The following SYNJ1 variants were observed in gnomAD, a reference collection of about 807,000 sequenced individuals.
SYNJ1 encodes the protein polyphosphatidylinositol phosphatase SYNJ1.
In SYNJ1, 78 loss-of-function variants were observed where a neutral mutation model predicts 168.2. The observed-to-expected ratio is 0.46, with a 90% CI of 0.39 to 0.56. SYNJ1 has a LOEUF of 0.56. SYNJ1 is among the 20% of genes least tolerant of loss of function. SYNJ1 has a pLI of 0.00. For synonymous variants in SYNJ1, 539 were observed against 548.6 expected (o/e 0.98, Z 0.24); for missense variants, 1,303 against 1,597.6 (o/e 0.82, Z 3.14).
chr21:32,662,772 GA>G (rs960263718), intron 18 of SYNJ1, among the ~76,000 whole-genome samples: 56 of 152,228 alleles, frequency 3.7e-4, no homozygotes, highest in African/African-American at 8.4e-4. Flanking sequence ...GGGCCACTTG[GA>G]TAAAAAATGA....
intron 14 of SYNJ1, among the ~76,000 whole-genome samples, chr21:32,672,217 A>C (rs2041231719): frequency 6.6e-6 from 1 of 151,942 alleles, no homozygotes; most frequent in Non-Finnish European, 1.5e-5. Flanking sequence ...TTTCCTATAC[A>C]CATCACCCTC....
intron 22 of SYNJ1, among the ~76,000 whole-genome samples, chr21:32,652,459 C>T (rs1229993568): frequency 6.6e-6 from 1 of 152,188 alleles, no homozygotes; most frequent in African/African-American, 2.4e-5. Flanking sequence ...TCTCGGCCTC[C>T]CAAAGTGCTG....
chr21:32,697,569 T>A (rs191755486), intron 4 of SYNJ1, among the ~76,000 whole-genome samples: 1 of 150,190 alleles, frequency 6.7e-6, no homozygotes, highest in Admixed American at 6.6e-5. Context: ...GAGGCTAAGG[T>A]GGGGGGGATC....
intron 19 of SYNJ1, 139 bp from the exon 20 acceptor site, chr21:32,657,259 G>A: frequency 4.8e-6 from 3 of 626,824 alleles, no homozygotes; most frequent in East Asian, 2.7e-5. Flanking sequence ...TAATAGGCAG[G>A]CAGTCTAAAT....
At chr21:32,713,832 C>T (rs538338507) in intron 2 of SYNJ1, among the ~76,000 whole-genome samples, 2 of 152,226 alleles carry the variant, frequency 1.3e-5, no homozygotes, top group South Asian at 4.1e-4. Flanking sequence ...AAAGAATACA[C>T]AGAGAATGAC....
chr21:32,726,545 C>T (rs1205314390), intron 2 of SYNJ1, among the ~76,000 whole-genome samples: 1 of 152,138 alleles, frequency 6.6e-6, no homozygotes, highest in African/African-American at 2.4e-5. Context: ...CCCAAGAAAG[C>T]AAAATCCTGC....
At chr21:32,668,365 G>A (rs938878686) in intron 15 of SYNJ1, among the ~76,000 whole-genome samples, 1 of 152,118 alleles carries the variant, frequency 6.6e-6, no homozygotes, top group Non-Finnish European at 1.5e-5. Context: ...ACCACACCCA[G>A]CCTAAAGAAT....
At position 32,656,715 on chromosome 21, in the gene SYNJ1, C is replaced by G; in HGVS notation, c.2767G>C (p.Ala923Pro). The change falls in exon 21 of 33, where the codon GCA becomes CCA. Residue 923 changes from alanine (A) to proline (P), a missense_variant. Ala to Pro is a conservative substitution (Grantham distance 27). Transcript: ENST00000674351. ...ALIDELLQQF[A>P]SFGEVILIRF... ...ATAAGTATAACTTCACCAAAACTTG[C>G]AAACTGCTGCAGAAGCTCATCAATC... is the stretch of plus-strand genomic sequence containing the variant. The G allele has an allele frequency of 6.2e-7, 1 of 1,613,652 alleles. No homozygotes were observed. The highest frequency in any genetic ancestry group is 1.3e-5 in the African/African-American group (1 of 74,996).
At chr21:32,673,945 T>C (rs1266363467) in intron 13 of SYNJ1, among the ~76,000 whole-genome samples, 2 of 152,246 alleles carry the variant, frequency 1.3e-5, no homozygotes, top group Non-Finnish European at 2.9e-5. Flanking sequence ...ATATAAATTT[T>C]ATTTTTCTCC....
At position 32,630,346 on chromosome 21, in the gene SYNJ1, T is replaced by C. The variant is rs2039274174; in HGVS notation, c.*1459A>G. 6.6e-6 allele frequency: 1 copy of C among 152,174 alleles called. No individual in the cohort carries two copies. Among genetic ancestry groups the C allele is most frequent in the African/African-American group, 2.4e-5 (1 of 41,446 alleles). The allele number at this position is 152,174 out of a possible 1,614,324, so 9.4% of individuals were successfully genotyped here. On this transcript the variant is annotated 3_prime_UTR_variant, in exon 33 of 33. Coordinates refer to ENST00000674351, the MANE Select transcript of SYNJ1 (RefSeq NM_203446.3). ...GATTATTCTAGTTTTGAAAACAAAA[T>C]TAATGAAAGGTCCAAATTACATTTG...
At chr21:32,687,797 C>T (rs935261153) in intron 7 of SYNJ1, among the ~76,000 whole-genome samples, 1 of 152,018 alleles carries the variant, frequency 6.6e-6, no homozygotes, top group Non-Finnish European at 1.5e-5. Context: ...GTATTCCTGG[C>T]ATGCAAAACC....
intron 23 of SYNJ1, 48 bp from the exon 24 acceptor site, chr21:32,646,650 CA>C: frequency 1.3e-6 from 2 of 1,486,296 alleles, no homozygotes; most frequent in Non-Finnish European, 1.9e-6. Flanking sequence ...TTAACTTGCT[CA>C]GAGATTTTTT....
At chr21:32,695,758 G>T (rs2042183750) in intron 4 of SYNJ1, among the ~76,000 whole-genome samples, 1 of 150,876 alleles carries the variant, frequency 6.6e-6, no homozygotes, top group African/African-American at 2.4e-5. Flanking sequence ...TGTCTCCCAG[G>T]TTCAAGCGAT....
chr21:32,652,223 CAG>C (rs1826973574), intron 22 of SYNJ1, among the ~76,000 whole-genome samples: 1 of 147,672 alleles, frequency 6.8e-6, no homozygotes, highest in African/African-American at 2.5e-5. Flanking sequence ...TTTTTTGAGA[CAG>C]AGTCTCGCTC....
At chr21:32,665,119 A>G in intron 17 of SYNJ1, 48 bp from the exon 18 acceptor site, 2 of 1,536,872 alleles carry the variant, frequency 1.3e-6, no homozygotes, top group South Asian at 1.2e-5. Flanking sequence ...TCAATGTTCA[A>G]AAATGTTTTA....
intron 6 of SYNJ1, among the ~76,000 whole-genome samples, chr21:32,692,571 G>A (rs573282538): frequency 2.0e-4 from 31 of 151,544 alleles, no homozygotes; most frequent in African/African-American, 7.0e-4. Context: ...GCATCATTCC[G>A]TGCCAAAAAA....
At chr21:32,664,203 T>G (rs1356632484) in intron 18 of SYNJ1, among the ~76,000 whole-genome samples, 1 of 152,190 alleles carries the variant, frequency 6.6e-6, no homozygotes. Flanking sequence ...TCAGCGCAAG[T>G]GTACCATATG....
chr21:32,683,802 G>A (rs1278959742), intron 10 of SYNJ1, among the ~76,000 whole-genome samples: 1 of 151,982 alleles, frequency 6.6e-6, no homozygotes, highest in Admixed American at 6.6e-5. Context: ...TTAAAAGGGA[G>A]AATAAGGAAC....
chr21:32,661,473 C>T lies in SYNJ1; in HGVS notation c.2304+3440G>A, dbSNP rs772502186. On this transcript the variant is annotated intron_variant, in intron 18 of 32. Transcript: ENST00000674351. ...ATCCAACACAAACTGAAAAGGCCTACGAAGTAACCCGTGTGCTTCTCCGAG... is the reference window on the plus strand; with the variant it reads ...ATCCAACACAAACTGAAAAGGCCTATGAAGTAACCCGTGTGCTTCTCCGAG... Among the ~76,000 whole-genome samples the T allele has an allele frequency of 5.3e-5, 8 of 152,160 alleles. No homozygotes were observed. In the South Asian group the frequency reaches 1.2e-3, roughly 24 times the overall value.
Sources: allele counts gnomAD v4.1 joint callset (sites outside exome capture counted in the v4.1 genomes callset), GRCh38; gene constraint gnomAD v4.1.1; transcripts MANE v1.5; gene names NCBI Gene and HGNC (gene_info 2026-07-23, HGNC 2026-07-21).